The following CACNA2D1 variants were observed in gnomAD, a reference collection of about 807,000 sequenced individuals.
CACNA2D1 encodes calcium voltage-gated channel auxiliary subunit alpha2delta 1, also known as voltage-dependent calcium channel subunit alpha-2/delta-1.
Under a neutral mutation model 171.5 loss-of-function variants are expected in CACNA2D1, and 53 were observed. That is an observed-to-expected ratio of 0.31 (90% CI 0.25 to 0.39). The LOEUF (loss-of-function observed/expected upper bound fraction) is 0.39, where lower values mean the gene tolerates loss of function less well. Ranked by LOEUF, CACNA2D1 falls within the 10% of genes least tolerant of loss-of-function variation. The pLI is 1.00. For synonymous variants in CACNA2D1, 442 were observed against 443.1 expected, an observed-to-expected ratio of 1.00 and a Z score of 0.03; for missense variants, 903 against 1,299.8, an observed-to-expected ratio of 0.69 and a Z score of 4.69.
At chr7:82,242,132 T>C (rs1804380128) in intron 3 of CACNA2D1, among the ~76,000 whole-genome samples, 1 of 152,114 alleles carries the variant, frequency 6.6e-6, no homozygotes, top group South Asian at 2.1e-4. Context: ...ATACATGACT[T>C]AGGTTAGGGA....
intron 10 of CACNA2D1, among the ~76,000 whole-genome samples, chr7:82,057,078 A>G (rs1057066393): frequency 7.9e-5 from 12 of 152,166 alleles, no homozygotes; most frequent in Non-Finnish European, 1.5e-4. Context: ...AAAATGCGAT[A>G]TGTATTTTGA....
At chr7:82,257,815 G>A (rs1293048478) in intron 3 of CACNA2D1, among the ~76,000 whole-genome samples, 3 of 152,196 alleles carry the variant, frequency 2.0e-5, no homozygotes, top group East Asian at 3.9e-4. Flanking sequence ...AAGTGAAAGA[G>A]AGAAGAAACA....
chr7:82,050,846 C>G (rs1805115799), intron 10 of CACNA2D1: 1 of 487,570 alleles, frequency 2.1e-6, no homozygotes, highest in African/African-American at 2.0e-5. Flanking sequence ...TTAAATTATC[C>G]TGTCCATTTT....
At chr7:81,962,789 T>C (rs550191379) in intron 34 of CACNA2D1, among the ~76,000 whole-genome samples, 1 of 152,032 alleles carries the variant, frequency 6.6e-6, no homozygotes, top group East Asian at 1.9e-4. Flanking sequence ...AGAGGGAGAA[T>C]GTCTGTTTCA....
chr7:82,418,735 A>G (rs1828424183), intron 1 of CACNA2D1, among the ~76,000 whole-genome samples: 1 of 152,086 alleles, frequency 6.6e-6, no homozygotes, highest in Non-Finnish European at 1.5e-5. Context: ...AGACCAACAG[A>G]AACACCTGGT....
intron 10 of CACNA2D1, among the ~76,000 whole-genome samples, chr7:82,046,522 T>C (rs1804577023): frequency 6.6e-6 from 1 of 152,218 alleles, no homozygotes; most frequent in African/African-American, 2.4e-5. Flanking sequence ...TTGCCTCTAA[T>C]AAGCATTACA....
chr7:82,392,220 T>C (rs1825194728), intron 1 of CACNA2D1, among the ~76,000 whole-genome samples: 1 of 152,162 alleles, frequency 6.6e-6, no homozygotes, highest in South Asian at 2.1e-4. Flanking sequence ...ATGCCTTTGT[T>C]TTAGCCTCTT....
chr7:82,047,125 G>A (rs1475088761), intron 10 of CACNA2D1, among the ~76,000 whole-genome samples: 2 of 152,028 alleles, frequency 1.3e-5, no homozygotes, highest in African/African-American at 4.8e-5. Flanking sequence ...GTGCACTCCT[G>A]AGTCCACAGC....
intron 6 of CACNA2D1, among the ~76,000 whole-genome samples, chr7:82,106,113 AC>A (rs1787730964): frequency 6.6e-6 from 1 of 152,196 alleles, no homozygotes. Context: ...GAATTTTGAG[AC>A]AAAATAAACA....
intron 3 of CACNA2D1, among the ~76,000 whole-genome samples, chr7:82,328,497 CTG>C (rs1816913004): frequency 6.6e-6 from 1 of 152,148 alleles, no homozygotes; most frequent in African/African-American, 2.4e-5. Context: ...TCAACAAAAA[CTG>C]TCTTTATTTA....
At chr7:82,169,571 T>C (rs1189702931) in intron 4 of CACNA2D1, among the ~76,000 whole-genome samples, 2 of 152,050 alleles carry the variant, frequency 1.3e-5, no homozygotes, top group South Asian at 2.1e-4. Context: ...AACATAATCA[T>C]AGAAACACAA....
At chr7:82,217,928 T>TATTC (rs1316079757) in intron 3 of CACNA2D1, among the ~76,000 whole-genome samples, 8 of 150,776 alleles carry the variant, frequency 5.3e-5, no homozygotes, top group Non-Finnish European at 1.0e-4. Context: ...TTTATTTATT[T>TATTC]ATTTATTTAT....
chr7:82,383,390 G>C (rs1823928024), intron 1 of CACNA2D1, among the ~76,000 whole-genome samples: 1 of 152,130 alleles, frequency 6.6e-6, no homozygotes, highest in South Asian at 2.1e-4. Context: ...AGCCCTTCTA[G>C]GGGAGAGAAA....
At chr7:82,062,592 C>T (rs1044472310) in intron 9 of CACNA2D1, among the ~76,000 whole-genome samples, 7 of 121,736 alleles carry the variant, frequency 5.8e-5, no homozygotes, top group African/African-American at 2.5e-4. Flanking sequence ...AGATCAGGTA[C>T]TATGTCTTTT....
intron 6 of CACNA2D1, 41 bp from the exon 7 acceptor site, chr7:82,084,941 T>G: frequency 1.1e-5 from 16 of 1,483,340 alleles, no homozygotes; most frequent in Non-Finnish European, 1.4e-5. Context: ...TTCAAATTTG[T>G]AATTAAAAAC....
intron 1 of CACNA2D1, among the ~76,000 whole-genome samples, chr7:82,403,341 C>T (rs1160690220): frequency 2.6e-5 from 4 of 152,014 alleles, no homozygotes; most frequent in Non-Finnish European, 5.9e-5. Flanking sequence ...TTTTTGGTAG[C>T]AAAAGACAAA....
rs112176710 is a variant in CACNA2D1 at position 81,962,030 on chromosome 7, T to C, written c.2837-7A>G. The C allele has an allele frequency of 3.0e-4, 478 of 1,612,156 alleles. 1 individual carries two copies. The African/African-American group carries it at 5.7e-3, about 19-fold the overall frequency. On this transcript the variant is annotated splice_polypyrimidine_tract_variant and splice_region_variant and intron_variant, in intron 35 of 38. Transcript: ENST00000356860. ...TCATCATCCTCCATCTCAACTTGGGTGGCGGGGGACGGTGTAAAAACAAAG... is the reference window on the plus strand; with the variant it reads ...TCATCATCCTCCATCTCAACTTGGGCGGCGGGGGACGGTGTAAAAACAAAG...
intron 3 of CACNA2D1, among the ~76,000 whole-genome samples, chr7:82,183,403 TATC>T (rs1438220515): frequency 1.3e-5 from 2 of 152,150 alleles, no homozygotes; most frequent in Non-Finnish European, 2.9e-5. Context: ...TAACTAAAAA[TATC>T]ATCAAGTTTT....
intron 1 of CACNA2D1, among the ~76,000 whole-genome samples, chr7:82,373,079 G>A (rs1822592504): frequency 6.6e-6 from 1 of 152,122 alleles, no homozygotes; most frequent in Non-Finnish European, 1.5e-5. Context: ...AGCTACTCAG[G>A]AGGCTGAGGC....
Sources: gnomAD v4.1 joint callset for allele counts (sites outside exome capture counted in the v4.1 genomes callset) on GRCh38, gnomAD v4.1.1 for gene constraint, MANE v1.5 for transcripts, NCBI Gene and HGNC (gene_info 2026-07-23, HGNC 2026-07-21) for gene names.